ROBO1: variants seen among roughly 807,000 people sequenced by gnomAD.
ROBO1 encodes roundabout homolog 1.
In ROBO1, 149 loss-of-function variants were observed where a neutral mutation model predicts 195.9. The observed-to-expected ratio is 0.76, with a 90% CI of 0.67 to 0.87. The LOEUF (loss-of-function observed/expected upper bound fraction) is 0.87. Among genes scored for constraint, ROBO1 ranks in the 40% least tolerant of loss-of-function variants. The pLI is 0.00. For missense variants in ROBO1, 1,933 were observed against 2,068.3 expected (o/e 0.93, Z 1.27); for synonymous variants, 816 against 733.2 (o/e 1.11, Z -1.82).
chr3:79,398,096 CT>C (rs1417889808), intron 2 of ROBO1, among the ~76,000 whole-genome samples: 1 of 152,024 alleles, frequency 6.6e-6, no homozygotes, highest in Non-Finnish European at 1.5e-5. Flanking sequence ...ATTTTTAAAA[CT>C]TTTTTTCAAT....
Position 79,386,263 on chromosome 3 carries a change from C to T in ROBO1, c.88+203561G>A, listed in dbSNP as rs192034263. Among the ~76,000 whole-genome samples the T allele has an allele frequency of 2.0e-5, 3 of 152,080 alleles. No individual in the cohort carries two copies. The East Asian group carries it at 5.8e-4, about 29-fold the overall frequency. ...ATAGAACTCTAGGGAGTTTTATTTGCCTACTAATCTATTTATATAAGTAAT... is the reference window on the plus strand; with the variant it reads ...ATAGAACTCTAGGGAGTTTTATTTGTCTACTAATCTATTTATATAAGTAAT... On this transcript the variant is annotated intron_variant, in intron 2 of 30. Transcript: ENST00000464233.
intron 3 of ROBO1, among the ~76,000 whole-genome samples, chr3:79,015,162 G>A (rs986010905): frequency 6.6e-6 from 1 of 151,948 alleles, no homozygotes. Context: ...AAGAAATAAA[G>A]ATATTTTAAA....
At chr3:79,510,919 G>C (rs1458424947) in intron 2 of ROBO1, among the ~76,000 whole-genome samples, 1 of 152,074 alleles carries the variant, frequency 6.6e-6, no homozygotes, top group African/African-American at 2.4e-5. Flanking sequence ...AGTTTCTGTT[G>C]TCTCCTTGAG....
chr3:79,292,728 A>T (rs2032331436), intron 2 of ROBO1, among the ~76,000 whole-genome samples: 1 of 152,192 alleles, frequency 6.6e-6, no homozygotes, highest in Non-Finnish European at 1.5e-5. Context: ...GACGAAGCCA[A>T]CTTGATCGTG....
chr3:78,641,870 A>T (rs1038983933), intron 21 of ROBO1, among the ~76,000 whole-genome samples: 1 of 152,238 alleles, frequency 6.6e-6, no homozygotes, highest in Admixed American at 6.5e-5. Flanking sequence ...GATTTCCAAC[A>T]GGAAGCTGAC....
chr3:79,535,840 C>T (rs189713242), intron 2 of ROBO1, among the ~76,000 whole-genome samples: 63 of 152,144 alleles, frequency 4.1e-4, no homozygotes, highest in Admixed American at 2.8e-3. Context: ...CCTCTTCTCT[C>T]GATCCCATTC....
chr3:79,625,211 G>A (rs895256731), intron 1 of ROBO1, among the ~76,000 whole-genome samples: 2 of 151,626 alleles, frequency 1.3e-5, no homozygotes, highest in East Asian at 1.9e-4. Context: ...TATTAAGGGT[G>A]AAATTTATAG....
At chr3:78,694,978 TA>T (rs2081253252) in intron 8 of ROBO1, among the ~76,000 whole-genome samples, 1 of 152,064 alleles carries the variant, frequency 6.6e-6, no homozygotes, top group South Asian at 2.1e-4. Flanking sequence ...AAATATATAT[TA>T]AAAACAAAAA....
At chr3:78,969,632 A>G (rs1314750598) in intron 3 of ROBO1, among the ~76,000 whole-genome samples, 2 of 152,300 alleles carry the variant, frequency 1.3e-5, no homozygotes, top group East Asian at 3.9e-4. Flanking sequence ...CGCCTACTCA[A>G]TGCTGCATGT....
chr3:78,887,281 T>C (rs569830524), intron 4 of ROBO1, among the ~76,000 whole-genome samples: 1 of 152,230 alleles, frequency 6.6e-6, no homozygotes, highest in East Asian at 1.9e-4. Context: ...ACTTCTTAGT[T>C]TGGGACTCAT....
intron 18 of ROBO1, among the ~76,000 whole-genome samples, chr3:78,654,485 T>C (rs955326738): frequency 2.0e-5 from 3 of 152,244 alleles, no homozygotes; most frequent in African/African-American, 7.2e-5. Context: ...CCTATTCTTC[T>C]TATCCCTAAT....
intron 27 of ROBO1, among the ~76,000 whole-genome samples, chr3:78,615,359 T>C (rs1292214808): frequency 2.0e-5 from 3 of 152,194 alleles, no homozygotes; most frequent in East Asian, 1.9e-4. Context: ...CTGCCAAAAA[T>C]TACTTACATC....
chr3:79,618,087 T>G (rs1050607109), intron 1 of ROBO1, among the ~76,000 whole-genome samples: 2 of 151,812 alleles, frequency 1.3e-5, no homozygotes, highest in East Asian at 1.9e-4. Flanking sequence ...GAAAAAAGAA[T>G]TTTTAAAAAA....
intron 4 of ROBO1, among the ~76,000 whole-genome samples, chr3:78,928,883 A>C (rs1441826781): frequency 6.6e-6 from 1 of 152,202 alleles, no homozygotes; most frequent in Admixed American, 6.5e-5. Context: ...ATCTGATAAA[A>C]GAGTAACTTA....
chr3:79,517,704 T>A (rs1044636165), intron 2 of ROBO1, among the ~76,000 whole-genome samples: 1 of 152,210 alleles, frequency 6.6e-6, no homozygotes, highest in African/African-American at 2.4e-5. Context: ...TCTTTTAGAA[T>A]GTTCTTGTAT....
chr3:79,184,361 C>T (rs1306179003), intron 2 of ROBO1, among the ~76,000 whole-genome samples: 2 of 152,244 alleles, frequency 1.3e-5, no homozygotes, highest in East Asian at 3.9e-4. Context: ...GAGCTCTGCT[C>T]TCATTTAAGA....
At chr3:79,386,495 G>A (rs2036751510) in intron 2 of ROBO1, among the ~76,000 whole-genome samples, 1 of 152,076 alleles carries the variant, frequency 6.6e-6, no homozygotes, top group Non-Finnish European at 1.5e-5. Flanking sequence ...AGTTTTCAAT[G>A]AGACTTGTAT....
At chr3:79,733,525 G>A (rs1233100082) in intron 1 of ROBO1, among the ~76,000 whole-genome samples, 5 of 152,236 alleles carry the variant, frequency 3.3e-5, no homozygotes, top group African/African-American at 4.8e-5. Flanking sequence ...ACCCATGTAA[G>A]CCATCAGTGC....
At chr3:79,558,973 T>G (rs1942810407) in intron 2 of ROBO1, among the ~76,000 whole-genome samples, 1 of 152,306 alleles carries the variant, frequency 6.6e-6, no homozygotes, top group African/African-American at 2.4e-5. Flanking sequence ...AGCTTGTGGC[T>G]TTTTCAATAA....
Sources: allele counts gnomAD v4.1 joint callset (sites outside exome capture counted in the v4.1 genomes callset), GRCh38; gene constraint gnomAD v4.1.1; transcripts MANE v1.5; gene names NCBI Gene and HGNC (gene_info 2026-07-23, HGNC 2026-07-21).